Variants in CACNA1C observed in about 807,000 individuals in gnomAD.
CACNA1C encodes calcium voltage-gated channel subunit alpha1 C, also known as voltage-dependent L-type calcium channel subunit alpha-1C.
In CACNA1C, 30 loss-of-function variants were observed where a neutral mutation model predicts 229.0. The ratio of observed to expected loss-of-function variants is 0.13; its 90% confidence interval spans 0.10 to 0.18. The LOEUF is 0.18. Ranked by LOEUF, CACNA1C falls within the 10% of genes least tolerant of loss-of-function variation. CACNA1C has a pLI of 1.00. For missense variants in CACNA1C, 1,658 were observed against 2,845.0 expected, an observed-to-expected ratio of 0.58 and a Z score of 9.49; for synonymous variants, 1,114 against 1,132.5, an observed-to-expected ratio of 0.98 and a Z score of 0.33.
At chr12:2,153,938 C>T (rs939464445) in intron 3 of CACNA1C, among the ~76,000 whole-genome samples, 5 of 152,332 alleles carry the variant, frequency 3.3e-5, no homozygotes, top group East Asian at 1.9e-4. Context: ...AGCTTTCACC[C>T]GTCCTTGGAC....
At chr12:2,481,936 C>T (rs1264885745) in intron 5 of CACNA1C, among the ~76,000 whole-genome samples, 2 of 152,254 alleles carry the variant, frequency 1.3e-5, no homozygotes, top group African/African-American at 2.4e-5. Flanking sequence ...GCCCGACACT[C>T]GCTTATCAGC....
At chr12:2,296,659 C>T (rs180993602) in intron 3 of CACNA1C, among the ~76,000 whole-genome samples, 4 of 152,190 alleles carry the variant, frequency 2.6e-5, no homozygotes, top group African/African-American at 9.6e-5. Context: ...TATCTAAATT[C>T]TCTACCGTAG....
At chr12:2,012,087 C>G (rs1426790958) in intron 1 of CACNA1C, among the ~76,000 whole-genome samples, 1 of 152,254 alleles carries the variant, frequency 6.6e-6, no homozygotes, top group Non-Finnish European at 1.5e-5. Context: ...ATGTATGAAG[C>G]CCCAAAGGTA....
chr12:1,974,800 A>G (rs1014050492), intron 1 of CACNA1C, among the ~76,000 whole-genome samples: 4 of 152,194 alleles, frequency 2.6e-5, no homozygotes, highest in Admixed American at 1.3e-4. Context: ...CTATCACCAT[A>G]AGTGAATCTC....
intron 3 of CACNA1C, among the ~76,000 whole-genome samples, chr12:2,344,398 T>A (rs1593439813): frequency 1.3e-5 from 2 of 152,288 alleles, no homozygotes; most frequent in East Asian, 3.9e-4. Flanking sequence ...TGGGTTCTCT[T>A]GCACCCTGGA....
intron 46 of CACNA1C, 96 bp downstream of exon 46, chr12:2,688,875 T>C (rs2097661094): frequency 3.0e-6 from 3 of 999,752 alleles, no homozygotes; most frequent in Middle Eastern, 2.9e-4. Flanking sequence ...TCTTGCCAAA[T>C]TCATTGCAGT....
intron 1 of CACNA1C, among the ~76,000 whole-genome samples, chr12:2,084,157 C>T (rs1291725607): frequency 2.0e-5 from 3 of 152,078 alleles, no homozygotes; most frequent in African/African-American, 7.2e-5. Flanking sequence ...TGTTAGTTGT[C>T]CTTGAAATCC....
intron 3 of CACNA1C, among the ~76,000 whole-genome samples, chr12:2,230,221 G>A (rs2064484846): frequency 6.6e-6 from 1 of 152,186 alleles, no homozygotes; most frequent in African/African-American, 2.4e-5. Flanking sequence ...CGGGGGGCGG[G>A]CCTGGCGCGT....
At chr12:2,370,703 A>C (rs1429549465) in intron 3 of CACNA1C, among the ~76,000 whole-genome samples, 1 of 152,258 alleles carries the variant, frequency 6.6e-6, no homozygotes, top group Non-Finnish European at 1.5e-5. Flanking sequence ...AGATAAATTT[A>C]GTATTAGAAA....
chr12:2,402,003 A>G (rs967184932), intron 3 of CACNA1C, among the ~76,000 whole-genome samples: 4 of 152,268 alleles, frequency 2.6e-5, no homozygotes, highest in Non-Finnish European at 5.9e-5. Context: ...TTCGTTAAAC[A>G]TGGTGAATTT....
chr12:2,608,822 A>T lies in CACNA1C; in HGVS notation c.3558+110A>T, dbSNP rs979237673. 8 of 1,053,430 alleles carry T rather than the reference A, an allele frequency of 7.6e-6. No homozygotes were observed. In the East Asian group the frequency reaches 7.7e-5, roughly 10 times the overall value. 65.3% of individuals were successfully genotyped at this position (1,053,430 alleles called of 1,614,324 possible). ...AGGGAGAGGCCGTGCAGATACTGAGATCGTCTCTCTATTCCTCAACCAGAG... is the reference window on the plus strand; with the variant it reads ...AGGGAGAGGCCGTGCAGATACTGAGTTCGTCTCTCTATTCCTCAACCAGAG... On this transcript the variant is annotated intron_variant, in intron 27 of 46. Coordinates refer to ENST00000399655, the MANE Select transcript of CACNA1C (RefSeq NM_000719.7). This position sits in a 1 kb window ranked among gnomAD's most constrained non-coding sequence, Gnocchi z 4.2.
At chr12:2,020,293 T>G (rs762225623) in intron 1 of CACNA1C, 3 of 152,152 alleles carry the variant, frequency 2.0e-5, no homozygotes, top group Non-Finnish European at 4.4e-5. Flanking sequence ...ATTTTCTAGA[T>G]TTTTCAGATA....
At chr12:2,375,844 T>C (rs956739148) in intron 3 of CACNA1C, among the ~76,000 whole-genome samples, 1 of 152,254 alleles carries the variant, frequency 6.6e-6, no homozygotes, top group Middle Eastern at 3.2e-3. Context: ...TCAGGCTCTC[T>C]GCATGGCAAA....
chr12:2,682,101 A>G, intron 42 of CACNA1C: 1 of 1,074,540 alleles, frequency 9.3e-7, no homozygotes. Context: ...CAGTGTCAGA[A>G]TCAAGGGCAC....
Position 2,131,615 on chromosome 12 carries a change from A to G in CACNA1C, c.477+11185A>G, listed in dbSNP as rs1419292431. Among the ~76,000 whole-genome samples, 3 of 133,662 alleles carry G rather than the reference A, an allele frequency of 2.2e-5. No homozygotes were observed. In the Admixed American group the frequency reaches 2.3e-4, roughly 10 times the overall value. The allele number at this position is 133,662 out of a possible 152,430, so 87.7% of individuals were successfully genotyped here. On this transcript the variant is annotated intron_variant, in intron 3 of 46. Transcript: ENST00000399655. Reference sequence around the variant, plus strand: ...GGTTTGTCAAAGATCAGACAGTTGTAGGTATGCGGTGTTATTTCTGAGGGC... The same window carrying G: ...GGTTTGTCAAAGATCAGACAGTTGTGGGTATGCGGTGTTATTTCTGAGGGC...
intron 3 of CACNA1C, among the ~76,000 whole-genome samples, chr12:2,175,041 G>A (rs57316320): frequency 1.3e-5 from 2 of 152,116 alleles, no homozygotes; most frequent in South Asian, 2.1e-4. Flanking sequence ...AGTGACCCAC[G>A]CTGTTCAAAC....
At chr12:2,118,057 G>C (rs2084803059) in intron 2 of CACNA1C, among the ~76,000 whole-genome samples, 1 of 152,218 alleles carries the variant, frequency 6.6e-6, no homozygotes, top group Non-Finnish European at 1.5e-5. Flanking sequence ...CTGCTTTTCA[G>C]CCAGTGGCTT....
intron 5 of CACNA1C, among the ~76,000 whole-genome samples, chr12:2,477,005 T>A (rs2154568940): frequency 6.6e-6 from 1 of 152,344 alleles, no homozygotes; most frequent in Non-Finnish European, 1.5e-5. Context: ...AACTTACTCC[T>A]TTCCCCAAGA....
At chr12:2,396,785 G>A (rs1196176826) in intron 3 of CACNA1C, among the ~76,000 whole-genome samples, 1 of 152,238 alleles carries the variant, frequency 6.6e-6, no homozygotes. Context: ...AAGGCATGGG[G>A]CCAAGCCTGG....
Sources: gnomAD v4.1 joint callset for allele counts (sites outside exome capture counted in the v4.1 genomes callset) on GRCh38, gnomAD v4.1.1 for gene constraint, Gnocchi (gnomAD v3.1) non-coding constraint, MANE v1.5 for transcripts, NCBI Gene and HGNC (gene_info 2026-07-23, HGNC 2026-07-21) for gene names.